DLG2: variants seen among roughly 807,000 people sequenced by gnomAD.
The protein encoded by DLG2 is disks large homolog 2.
DLG2 carries 45 observed loss-of-function variants against 132.5 expected under a neutral mutation model. That is an observed-to-expected ratio of 0.34 (90% CI 0.27 to 0.44). The LOEUF is 0.44. Ranked by LOEUF, DLG2 falls within the 20% of genes least tolerant of loss-of-function variation. The probability of loss-of-function intolerance (pLI) is 1.00; values close to 1 mark genes in which losing one functional copy is unlikely to be tolerated. For missense variants in DLG2, 1,045 were observed against 1,196.9 expected, an observed-to-expected ratio of 0.87 and a Z score of 1.87; for synonymous variants, 424 against 419.6, an observed-to-expected ratio of 1.01 and a Z score of -0.13.
chr11:84,875,776 G>A lies in DLG2; in HGVS notation c.357+235885C>T, dbSNP rs145565401. Among the ~76,000 whole-genome samples, 581 of 151,592 alleles carry A rather than the reference G, an allele frequency of 3.8e-3. 3 individuals are homozygous for A. The highest frequency in any genetic ancestry group is 0.014 in the African/African-American group (566 of 41,292). The stretch of plus-strand genomic sequence containing the variant: ...TTTGAGATGGAGTTTCACTTTTGTC[G>A]CCCAGGCTGGAGTACAGTGGTGGCG... On this transcript the variant is annotated intron_variant, in intron 6 of 27. Transcript: ENST00000376104.
At chr11:84,043,353 GGAAA>G (rs2096148366) in intron 11 of DLG2, among the ~76,000 whole-genome samples, 1 of 151,684 alleles carries the variant, frequency 6.6e-6, no homozygotes, top group South Asian at 2.1e-4. Flanking sequence ...GCATATTTTA[GGAAA>G]GAGTGATATG....
intron 3 of DLG2, among the ~76,000 whole-genome samples, chr11:85,518,202 C>T (rs967022175): frequency 6.6e-6 from 1 of 152,114 alleles, no homozygotes; most frequent in African/African-American, 2.4e-5. Flanking sequence ...TGGTAACACG[C>T]AAAGTTGGAA....
chr11:84,867,923 A>C (rs910432735), intron 6 of DLG2, among the ~76,000 whole-genome samples: 1 of 151,862 alleles, frequency 6.6e-6, no homozygotes, highest in Admixed American at 6.6e-5. Context: ...AAATACAAAA[A>C]ATTAGCCAGG....
chr11:85,130,948 T>C (rs924477330), intron 5 of DLG2, among the ~76,000 whole-genome samples: 4 of 151,956 alleles, frequency 2.6e-5, no homozygotes, highest in Admixed American at 2.6e-4. Context: ...CTTTGCTGTA[T>C]GTTTGTTCTT....
intron 27 of DLG2, 55 bp downstream of exon 27, chr11:83,461,947 A>G: frequency 8.0e-7 from 1 of 1,253,656 alleles, no homozygotes; most frequent in East Asian, 2.3e-5. Context: ...TCTCTGTGCC[A>G]AATGTCAGAC....
chr11:83,866,862 G>A (rs1045616467), intron 16 of DLG2, among the ~76,000 whole-genome samples: 1 of 152,116 alleles, frequency 6.6e-6, no homozygotes, highest in Non-Finnish European at 1.5e-5. Context: ...ACTAAACAGG[G>A]CAGCTCAATA....
chr11:83,762,828 G>T (rs990079687), intron 18 of DLG2, among the ~76,000 whole-genome samples: 5 of 152,172 alleles, frequency 3.3e-5, no homozygotes, highest in African/African-American at 9.7e-5. Flanking sequence ...TGATCTGCCT[G>T]CCTCGGCCCT....
At chr11:84,415,385 T>C (rs773277216) in intron 7 of DLG2, among the ~76,000 whole-genome samples, 12 of 152,190 alleles carry the variant, frequency 7.9e-5, no homozygotes, top group Admixed American at 2.0e-4. Flanking sequence ...ATTATTATCA[T>C]ATTGAGTGAA....
intron 19 of DLG2, among the ~76,000 whole-genome samples, chr11:83,588,098 G>A (rs1565932538): frequency 6.6e-6 from 1 of 152,190 alleles, no homozygotes; most frequent in Non-Finnish European, 1.5e-5. Flanking sequence ...GGTAAACAAA[G>A]CAGCTGGGAA....
intron 7 of DLG2, among the ~76,000 whole-genome samples, chr11:84,496,899 A>T (rs571859607): frequency 6.6e-6 from 1 of 152,288 alleles, no homozygotes; most frequent in South Asian, 2.1e-4. Context: ...GAAGGAATAT[A>T]CTTCATTCTA....
intron 19 of DLG2, among the ~76,000 whole-genome samples, chr11:83,606,905 C>T (rs1018014348): frequency 6.6e-6 from 1 of 151,260 alleles, no homozygotes; most frequent in Non-Finnish European, 1.5e-5. Flanking sequence ...CCAGCCTGGG[C>T]GACAGAGAGA....
At chr11:85,211,262 T>C (rs577809548) in intron 4 of DLG2, among the ~76,000 whole-genome samples, 1 of 152,266 alleles carries the variant, frequency 6.6e-6, no homozygotes, top group African/African-American at 2.4e-5. Flanking sequence ...AAGTACTCAG[T>C]AGATCAAGGG....
intron 17 of DLG2, among the ~76,000 whole-genome samples, chr11:83,819,858 T>C (rs969117948): frequency 6.6e-5 from 10 of 152,184 alleles, no homozygotes; most frequent in African/African-American, 2.2e-4. Context: ...ATTTCTCATT[T>C]TGAGCTTTCT....
intron 6 of DLG2, among the ~76,000 whole-genome samples, chr11:85,111,199 C>G (rs893924493): frequency 6.6e-6 from 1 of 152,070 alleles, no homozygotes; most frequent in African/African-American, 2.4e-5. Context: ...GGAAAATTCT[C>G]TGGTAGAAGA....
intron 6 of DLG2, among the ~76,000 whole-genome samples, chr11:84,540,973 T>C (rs977414920): frequency 3.9e-5 from 6 of 151,944 alleles, no homozygotes; most frequent in Admixed American, 6.6e-5. Flanking sequence ...TTCTCACTCA[T>C]AGGTGGGAAT....
chr11:85,463,374 T>A (rs770765014), intron 3 of DLG2, among the ~76,000 whole-genome samples: 2 of 152,178 alleles, frequency 1.3e-5, no homozygotes, highest in Non-Finnish European at 2.9e-5. Context: ...GCAGAAAATG[T>A]CTATGAAAAC....
chr11:84,743,226 G>A (rs1375504276), intron 6 of DLG2, among the ~76,000 whole-genome samples: 7 of 151,952 alleles, frequency 4.6e-5, no homozygotes. Flanking sequence ...TAAAGAGAGG[G>A]AACAGTTTAT....
chr11:85,250,775 GC>G, intron 4 of DLG2, among the ~76,000 whole-genome samples: 1 of 152,200 alleles, frequency 6.6e-6, no homozygotes, highest in South Asian at 2.1e-4. Flanking sequence ...AGTTTCAGAA[GC>G]TCTCCCTTAG....
rs1441682493 is a variant in DLG2 at position 84,761,533 on chromosome 11, T to C, written c.358-226802A>G. ...GGCACAATCTAATCAGCTGCCAGCATGGCCAGAATAAAAGCAGGCAGAAGA... is the reference window on the plus strand; with the variant it reads ...GGCACAATCTAATCAGCTGCCAGCACGGCCAGAATAAAAGCAGGCAGAAGA... On this transcript the variant is annotated intron_variant, in intron 6 of 27. Transcript: ENST00000376104. Among the ~76,000 whole-genome samples the C allele has an allele frequency of 3.3e-5, 5 of 152,310 alleles. No individual in the cohort carries two copies. The East Asian group carries it at 7.7e-4, about 24-fold the overall frequency.
Sources: allele counts gnomAD v4.1 joint callset (sites outside exome capture counted in the v4.1 genomes callset), GRCh38; gene constraint gnomAD v4.1.1; transcripts MANE v1.5; gene names NCBI Gene and HGNC (gene_info 2026-07-23, HGNC 2026-07-21).